Variants in MTDH observed in about 807,000 individuals in gnomAD.
MTDH encodes the protein protein LYRIC.
In MTDH, 34 loss-of-function variants were observed where a neutral mutation model predicts 72.7. The ratio of observed to expected loss-of-function variants is 0.47; its 90% CI spans 0.36 to 0.62. MTDH has a LOEUF of 0.62. MTDH is among the 20% of genes least tolerant of loss of function. The pLI is 0.00. For synonymous variants in MTDH, 266 were observed against 268.9 expected (o/e 0.99, Z 0.10); for missense variants, 677 against 699.4 (o/e 0.97, Z 0.36).
chr8:97,672,407 G>A (rs1407069609), intron 2 of MTDH, among the ~76,000 whole-genome samples: 1 of 152,010 alleles, frequency 6.6e-6, no homozygotes, highest in East Asian at 1.9e-4. Context: ...TAACCTTTTG[G>A]GTTCTCTTGT....
Position 97,644,235 on chromosome 8 carries a change from G to A in MTDH, c.-272G>A. 1 of 480,156 alleles carries A rather than the reference G, an allele frequency of 2.1e-6. No individual in the cohort carries two copies. Among genetic ancestry groups the A allele is most frequent in the Non-Finnish European group, 3.6e-6 (1 of 276,004 alleles). The allele number at this position is 480,156 out of a possible 1,614,324, so 29.7% of individuals were successfully genotyped here. A position where few individuals can be genotyped will look rare whatever the true frequency, so the allele number is the denominator to read the frequency against. ...GACAGCGGGGCCTGGCGCTGGCGCCGAGACGCCGCTTAGCGGCCGCCACTG... is the reference window on the plus strand; with the variant it reads ...GACAGCGGGGCCTGGCGCTGGCGCCAAGACGCCGCTTAGCGGCCGCCACTG... On this transcript the variant is annotated 5_prime_UTR_variant, in exon 1 of 12. Coordinates refer to ENST00000336273, the MANE Select transcript of MTDH (RefSeq NM_178812.4).
chr8:97,681,491 C>CTT (rs35262209), intron 2 of MTDH, among the ~76,000 whole-genome samples: 1,352 of 108,836 alleles, frequency 0.012, 49 homozygotes, highest in African/African-American at 0.04. Context: ...AGAATTTTTT[C>CTT]TTTTTTTTTT....
intron 6 of MTDH, among the ~76,000 whole-genome samples, 179 bp downstream of exon 6, chr8:97,691,367 T>G (rs1351311856): frequency 6.6e-6 from 1 of 152,156 alleles, no homozygotes; most frequent in Non-Finnish European, 1.5e-5. Context: ...ATTAAATAAG[T>G]AAATAACATC....
intron 7 of MTDH, among the ~76,000 whole-genome samples, chr8:97,700,888 G>A (rs1814092864): frequency 6.6e-6 from 1 of 152,102 alleles, no homozygotes. Context: ...AGGTAAGCTG[G>A]CGACACAGTG....
At chr8:97,697,621 G>A (rs575731048) in intron 6 of MTDH, among the ~76,000 whole-genome samples, 2 of 151,962 alleles carry the variant, frequency 1.3e-5, no homozygotes, top group Admixed American at 1.3e-4. Context: ...TCTTTACCTC[G>A]TGATCCACCT....
At position 97,728,812 on chromosome 8, in the gene MTDH, A is replaced by G. The variant is rs895890592; in HGVS notation, c.*4142A>G. The G allele has an allele frequency of 3.3e-5, 5 of 151,546 alleles. No homozygotes were observed. The East Asian group carries it at 7.7e-4, about 23-fold the overall frequency. 9.4% of individuals were successfully genotyped at this position (151,546 alleles called of 1,614,324 possible). Reference sequence around the variant, plus strand: ...AAAAAGATTGTTTCTCTTTCATATTAAAGTTTGGGAAGGCAATCCAGAGCC... The same window carrying G: ...AAAAAGATTGTTTCTCTTTCATATTGAAGTTTGGGAAGGCAATCCAGAGCC... On this transcript the variant is annotated 3_prime_UTR_variant, in exon 12 of 12. Coordinates refer to ENST00000336273, the MANE Select transcript of MTDH (RefSeq NM_178812.4).
intron 6 of MTDH, among the ~76,000 whole-genome samples, chr8:97,697,129 A>AAAAAAAAAAAAATATATATATATATAT: frequency 1.2e-5 from 1 of 85,742 alleles, no homozygotes; most frequent in Admixed American, 1.3e-4. Flanking sequence ...CAAAAAAAAA[A>AAAAAAAAAAAAATATATATATATATAT]ATATATATAT....
At chr8:97,660,146 C>T (rs890594523) in intron 1 of MTDH, among the ~76,000 whole-genome samples, 3 of 151,954 alleles carry the variant, frequency 2.0e-5, no homozygotes, top group South Asian at 2.1e-4. Flanking sequence ...GCAACAAGAG[C>T]GAAACTCCGT....
chr8:97,685,441 T>C (rs1813321382), intron 2 of MTDH, among the ~76,000 whole-genome samples: 1 of 152,262 alleles, frequency 6.6e-6, no homozygotes, highest in Admixed American at 6.5e-5. Flanking sequence ...TTTTTATTGG[T>C]AGGAAAAGCA....
chr8:97,648,587 G>A (rs1811651532), intron 1 of MTDH, among the ~76,000 whole-genome samples: 1 of 150,594 alleles, frequency 6.6e-6, no homozygotes, highest in African/African-American at 2.4e-5. Context: ...TCAAACTCCT[G>A]GCCTCAAGCC....
intron 2 of MTDH, among the ~76,000 whole-genome samples, chr8:97,675,948 T>C (rs1338073128): frequency 6.6e-6 from 1 of 151,760 alleles, no homozygotes; most frequent in African/African-American, 2.4e-5. Flanking sequence ...GGTTTTTTTT[T>C]TTTTTTTTCT....
intron 6 of MTDH, 127 bp from the exon 7 acceptor site, chr8:97,699,627 G>T: frequency 1.7e-6 from 1 of 577,084 alleles, no homozygotes. Flanking sequence ...TTTTTCTAAT[G>T]TCTGAATTTT....
intron 9 of MTDH, among the ~76,000 whole-genome samples, chr8:97,718,287 C>T (rs1422136891): frequency 6.6e-6 from 1 of 152,188 alleles, no homozygotes; most frequent in Non-Finnish European, 1.5e-5. Context: ...AGGTGATCTG[C>T]CTGCCTCAGC....
chr8:97,710,794 G>GT (rs961617042), intron 8 of MTDH, among the ~76,000 whole-genome samples: 7 of 151,346 alleles, frequency 4.6e-5, no homozygotes, highest in African/African-American at 1.7e-4. Context: ...GAGGTCAGGA[G>GT]TTTGAGACCA....
intron 6 of MTDH, among the ~76,000 whole-genome samples, chr8:97,697,731 C>T (rs1056974573): frequency 6.6e-6 from 1 of 152,026 alleles, no homozygotes; most frequent in Non-Finnish European, 1.5e-5. Context: ...ATTCTTGGCT[C>T]ATGGACCATA....
At position 97,687,571 on chromosome 8, in the gene MTDH, C is replaced by A. The variant is rs1382359397; in HGVS notation, c.711C>A (p.Thr237=). The change falls in exon 4 of 12, where the codon ACC becomes ACA. Residue 237 remains threonine (T), a synonymous_variant. Coordinates refer to ENST00000336273, the MANE Select transcript of MTDH (RefSeq NM_178812.4). The part of the protein sequence containing the change: ...TITVTTEQLT[T]ASFPVGSKKN... ...CAGTTACCACCGAGCAACTTACAAC[C>A]GCATCATTTCCTGTTGGTTCCAAGA... 2 of 1,609,142 alleles carry A rather than the reference C, an allele frequency of 1.2e-6. No individual in the cohort carries two copies. Among genetic ancestry groups the A allele is most frequent in the South Asian group, 1.1e-5 (1 of 90,290 alleles).
intron 1 of MTDH, among the ~76,000 whole-genome samples, chr8:97,652,037 T>A (rs1294815212): frequency 6.6e-6 from 1 of 152,202 alleles, no homozygotes; most frequent in Non-Finnish European, 1.5e-5. Context: ...AAATATATAT[T>A]CAATCTGACT....
At chr8:97,705,845 A>G (rs1015947130) in intron 7 of MTDH, among the ~76,000 whole-genome samples, 1 of 152,228 alleles carries the variant, frequency 6.6e-6, no homozygotes, top group Admixed American at 6.5e-5. Context: ...AGAGCTACTT[A>G]TTTAATCTGG....
chr8:97,659,616 C>A (rs1812104318), intron 1 of MTDH, among the ~76,000 whole-genome samples: 1 of 152,196 alleles, frequency 6.6e-6, no homozygotes, highest in Non-Finnish European at 1.5e-5. Context: ...AAACTTGGAA[C>A]ACTTTGTATT....
Sources: gnomAD v4.1 joint callset for allele counts (sites outside exome capture counted in the v4.1 genomes callset) on GRCh38, gnomAD v4.1.1 for gene constraint, MANE v1.5 for transcripts, NCBI Gene and HGNC (gene_info 2026-07-23, HGNC 2026-07-21) for gene names.